IFNGR1: variants seen among roughly 807,000 people sequenced by gnomAD.
The protein encoded by IFNGR1 is AVP, type 2.
IFNGR1 carries 23 observed loss-of-function variants against 35.4 expected under a neutral mutation model. That is an observed-to-expected ratio of 0.65 (90% confidence interval 0.47 to 0.92). IFNGR1 has a LOEUF of 0.92. Among genes scored for constraint, IFNGR1 ranks in the 40% least tolerant of loss-of-function variants. The probability of loss-of-function intolerance (pLI) is 0.00; values close to 1 mark genes in which losing one functional copy is unlikely to be tolerated. For synonymous variants in IFNGR1, 199 were observed against 209.5 expected, an observed-to-expected ratio of 0.95 and a Z score of 0.43; for missense variants, 533 against 583.4, an observed-to-expected ratio of 0.91 and a Z score of 0.89.
chr6:137,201,442 A>C (rs1779274473), intron 5 of IFNGR1, among the ~76,000 whole-genome samples: 1 of 152,210 alleles, frequency 6.6e-6, no homozygotes, highest in Non-Finnish European at 1.5e-5. Flanking sequence ...TGGGAAGTCG[A>C]GGTGGGCGGA....
chr6:137,212,718 G>T (rs538677625), intron 1 of IFNGR1, among the ~76,000 whole-genome samples: 1 of 152,284 alleles, frequency 6.6e-6, no homozygotes, highest in South Asian at 2.1e-4. Context: ...TCACACAATG[G>T]AAAACTACAA....
At position 137,198,372 on chromosome 6, in the gene IFNGR1, C is replaced by G; in HGVS notation, c.1129G>C (p.Glu377Gln). Reference sequence around the variant, plus strand: ...TTACTACTTAAAGGTGAAGAACTCTCTCTCTCTATTGGAGTCAGATGGCTG... The same window carrying G: ...TTACTACTTAAAGGTGAAGAACTCTGTCTCTCTATTGGAGTCAGATGGCTG... Reference protein sequence around the residue: ...PGSHLTPIERESSSPLSSNQS... With the variant: ...PGSHLTPIERQSSSPLSSNQS... The change falls in exon 7 of 7, where the codon GAG (glutamate) becomes CAG (glutamine). Residue 377 changes from glutamate to glutamine, a missense_variant. Physicochemically the swap from Glu to Gln is conservative, Grantham distance 29. Transcript: ENST00000367739. The G allele has an allele frequency of 6.2e-7, 1 of 1,614,174 alleles. No homozygotes were observed. The highest frequency in any genetic ancestry group is 2.2e-5 in the East Asian group (1 of 44,888).
chr6:137,207,726 G>A (rs1336520009), intron 1 of IFNGR1, among the ~76,000 whole-genome samples: 1 of 152,140 alleles, frequency 6.6e-6, no homozygotes, highest in African/African-American at 2.4e-5. Flanking sequence ...CCAACCATGT[G>A]GAACTGTAAG....
intron 1 of IFNGR1, 157 bp downstream of exon 1, chr6:137,219,086 G>A: frequency 1.1e-6 from 1 of 897,162 alleles, no homozygotes; most frequent in East Asian, 2.7e-5. Context: ...CCAGTCTCGC[G>A]ACCCCACCTC....
At position 137,219,152 on chromosome 6, in the gene IFNGR1, C is replaced by A. The variant is rs536285905; in HGVS notation, c.85+91G>T. 583 of 1,511,270 alleles carry A rather than the reference C, an allele frequency of 3.9e-4. 3 individuals carry two copies. In the African/African-American group the frequency reaches 6.8e-3, roughly 18 times the overall value. 93.6% of individuals were successfully genotyped at this position (1,511,270 alleles called of 1,614,324 possible). ...CAGGGGTCCCGGGCTAGGGCGACCT[C>A]GGAGAAGCGGGGCGGGGCTTCCCGG... On this transcript the variant is annotated intron_variant, in intron 1 of 6. Coordinates refer to ENST00000367739, the MANE Select transcript of IFNGR1 (RefSeq NM_000416.3).
chr6:137,206,081 G>T, intron 3 of IFNGR1, 55 bp downstream of exon 3: 1 of 1,355,108 alleles, frequency 7.4e-7, no homozygotes, highest in Non-Finnish European at 1.1e-6. Flanking sequence ...ACATACAGAA[G>T]ACATGTATAA....
chr6:137,203,737 A>AG, intron 4 of IFNGR1, 52 bp from the exon 5 acceptor site: 1 of 1,462,956 alleles, frequency 6.8e-7, no homozygotes, highest in Non-Finnish European at 9.5e-7. Context: ...TAATCTGAAA[A>AG]AAAAAAAAAA....
Position 137,198,559 on chromosome 6 carries a change from A to G in IFNGR1, c.942T>C (p.Phe314=). ...YVSLITSYQP[F]SLEKEVVCEE... ...CACAGACCACCTCCTTTTCTAAGGA[A>G]AATGGCTGGTATGACGTGATGAGTG... Residue 314 remains phenylalanine (F), a synonymous_variant, in exon 7 of 7, where the codon TTT becomes TTC. Coordinates refer to ENST00000367739, the MANE Select transcript of IFNGR1 (RefSeq NM_000416.3). 2 of 1,613,928 alleles carry G rather than the reference A, an allele frequency of 1.2e-6. No individual in the cohort carries two copies.
rs749318907 is a variant in IFNGR1 at position 137,198,088 on chromosome 6, G to A, written c.1413C>T (p.Ser471=). The A allele has an allele frequency of 8.1e-6, 13 of 1,613,946 alleles. No individual in the cohort carries two copies. The highest frequency in any genetic ancestry group is 6.6e-5 in the South Asian group (6 of 91,082). Residue 471 remains serine, a synonymous_variant, in exon 7 of 7, where the codon AGC becomes AGT. Transcript: ENST00000367739. The part of the protein sequence containing the change: ...HVLVDLLVDD[S]GKESLIGYRP... ...TATAACCAATCAAGGACTCTTTACC[G>A]CTATCATCCACAAGTAGATCCACTA...
In IFNGR1 at chr6:137,219,298, G is replaced by A. The variant is rs748134660; in HGVS notation, c.30C>T (p.Val10=). The A allele has an allele frequency of 6.2e-7, 1 of 1,611,286 alleles. No individual in the cohort carries two copies. Among genetic ancestry groups the A allele is most frequent in the East Asian group, 2.2e-5 (1 of 44,752 alleles). The part of the protein sequence containing the change: MALLFLLPL[V]MQGVSRAEMG... ...TCTCAGCCCTGCTCACACCCTGCATGACAAGGGGTAGGAGAAAGAGGAGAG... is the reference window on the plus strand; with the variant it reads ...TCTCAGCCCTGCTCACACCCTGCATAACAAGGGGTAGGAGAAAGAGGAGAG... Residue 10 remains valine (V), a synonymous_variant, in exon 1 of 7, where the codon GTC becomes GTT. Coordinates refer to ENST00000367739, the MANE Select transcript of IFNGR1 (RefSeq NM_000416.3).
chr6:137,204,446 G>A lies in IFNGR1; in HGVS notation c.432C>T (p.Asp144=). ...IRKEEKQIMI[D]IFHPSVFVNG... is the part of the protein sequence containing the mutation. ...TTACAAAAACTGAAGGGTGAAATAT[G>A]TCAATCATGATTTGCTTCTCCTCCT... The change falls in exon 4 of 7, where the codon GAC becomes GAT. Residue 144 remains aspartate (D), a synonymous_variant. Coordinates refer to ENST00000367739, the MANE Select transcript of IFNGR1 (RefSeq NM_000416.3). The A allele has an allele frequency of 1.2e-6, 2 of 1,613,894 alleles. No homozygotes were observed. Among genetic ancestry groups the A allele is most frequent in the African/African-American group, 1.3e-5 (1 of 75,036 alleles).
chr6:137,208,670 C>T (rs1028645475), intron 1 of IFNGR1, among the ~76,000 whole-genome samples: 2 of 152,228 alleles, frequency 1.3e-5, no homozygotes, highest in Admixed American at 6.5e-5. Context: ...GGAACCTCTG[C>T]TTAGATTTCA....
At chr6:137,212,528 T>C (rs757671480) in intron 1 of IFNGR1, among the ~76,000 whole-genome samples, 6 of 152,196 alleles carry the variant, frequency 3.9e-5, no homozygotes, top group Non-Finnish European at 5.9e-5. Context: ...AGTGCTGAGA[T>C]TACAGGTGTG....
intron 2 of IFNGR1, chr6:137,206,527 A>C (rs1382262086): frequency 1.3e-5 from 7 of 521,100 alleles, no homozygotes; most frequent in Non-Finnish European, 2.4e-5. Flanking sequence ...AAAATGTAAG[A>C]CCTATGCAAG....
At chr6:137,198,667 A>G in intron 6 of IFNGR1, 28 bp from the exon 7 acceptor site, 1 of 1,584,072 alleles carries the variant, frequency 6.3e-7, no homozygotes, top group Non-Finnish European at 8.6e-7. Context: ...GATTAAAGAT[A>G]AAAAATTGTT....
chr6:137,205,799 G>A (rs56173501), intron 3 of IFNGR1, among the ~76,000 whole-genome samples: 1 of 152,128 alleles, frequency 6.6e-6, no homozygotes, highest in African/African-American at 2.4e-5. Context: ...TATCCAAAAC[G>A]CTTGAGATCA....
At position 137,206,261 on chromosome 6, in the gene IFNGR1, T is replaced by C. The variant is rs1779425156; in HGVS notation, c.248A>G (p.His83Arg). 1 of 1,610,438 alleles carries C rather than the reference T, an allele frequency of 6.2e-7. No individual in the cohort carries two copies. Among genetic ancestry groups the C allele is most frequent in the Non-Finnish European group, 8.5e-7 (1 of 1,176,610 alleles). ...WIDACINISH[H>R]YCNISDHVGD... ...AACATGATCAGAAATATTACAATAA[T>C]GATGAGAAATATTGATGCAGGCATC... The change falls in exon 3 of 7, where the codon CAT becomes CGT. Residue 83 changes from histidine to arginine, a missense_variant. Coordinates refer to ENST00000367739, the MANE Select transcript of IFNGR1 (RefSeq NM_000416.3).
At chr6:137,206,398 G>A in intron 2 of IFNGR1, 90 bp from the exon 3 acceptor site, 1 of 956,440 alleles carries the variant, frequency 1.0e-6, no homozygotes, top group Non-Finnish European at 1.6e-6. Flanking sequence ...TTTATTCACA[G>A]CACAAAGCGG....
chr6:137,212,652 T>A (rs1302053916), intron 1 of IFNGR1, among the ~76,000 whole-genome samples: 1 of 152,136 alleles, frequency 6.6e-6, no homozygotes, highest in Non-Finnish European at 1.5e-5. Flanking sequence ...TAGAAGTCAA[T>A]CTGCATACTA....
Sources: gnomAD v4.1 joint callset for allele counts (sites outside exome capture counted in the v4.1 genomes callset) on GRCh38, gnomAD v4.1.1 for gene constraint, MANE v1.5 for transcripts, NCBI Gene and HGNC (gene_info 2026-07-23, HGNC 2026-07-21) for gene names.